Variants in PCDHGA2 observed in about 807,000 individuals in gnomAD.
PCDHGA2 encodes protocadherin gamma-A2.
In PCDHGA2, 40 loss-of-function variants were observed where a neutral mutation model predicts 59.2. The observed-to-expected ratio is 0.68, with a 90% CI of 0.52 to 0.88. PCDHGA2 has a LOEUF of 0.88. Ranked by LOEUF, PCDHGA2 falls within the 40% of genes least tolerant of loss-of-function variation. The probability of loss-of-function intolerance (pLI) is 0.00; values close to 1 mark genes in which losing one functional copy is unlikely to be tolerated. For synonymous variants in PCDHGA2, 560 were observed against 526.0 expected, an observed-to-expected ratio of 1.06 and a Z score of -0.89; for missense variants, 1,226 against 1,204.0, an observed-to-expected ratio of 1.02 and a Z score of -0.27.
chr5:141,360,186 G>A, intron 1 of PCDHGA2: 2 of 1,611,332 alleles, frequency 1.2e-6, no homozygotes, highest in Admixed American at 3.4e-5. Flanking sequence ...TGCAGGTACT[G>A]TTGCCCTTCC....
intron 1 of PCDHGA2, chr5:141,413,978 T>C (rs2095697435): frequency 1.2e-6 from 2 of 1,613,414 alleles, no homozygotes; most frequent in Non-Finnish European, 8.5e-7. Flanking sequence ...CTGCTGACAG[T>C]CACAGCCACC....
intron 1 of PCDHGA2, chr5:141,395,397 A>C: frequency 1.1e-6 from 1 of 895,314 alleles, no homozygotes; most frequent in Non-Finnish European, 1.6e-6. Flanking sequence ...TTGAACTCTA[A>C]TAGTCATAGG....
intron 1 of PCDHGA2, chr5:141,478,925 G>T: frequency 1.4e-6 from 1 of 700,562 alleles, no homozygotes; most frequent in Non-Finnish European, 2.2e-6. Context: ...TCTAACCAGT[G>T]GCAGCTTCTA....
rs774354457 is a variant in PCDHGA2 at position 141,409,462 on chromosome 5, CA to C, written c.2424+68068del. 8.1e-6 allele frequency: 13 copies of C among 1,613,870 alleles called. No individual in the cohort carries two copies. The East Asian group carries it at 2.9e-4, about 36-fold the overall frequency. On this transcript the variant is annotated intron_variant, in intron 1 of 3. Coordinates refer to ENST00000394576, the MANE Select transcript of PCDHGA2 (RefSeq NM_018915.4). ...GAGAGCAGACACCAGAATACAATGT[CA>C]CCATCGTAGCCACTGACAGGGGCAA... is the stretch of plus-strand genomic sequence containing the variant.
At chr5:141,451,957 A>C (rs1019378263) in intron 1 of PCDHGA2, among the ~76,000 whole-genome samples, 3 of 152,202 alleles carry the variant, frequency 2.0e-5, no homozygotes, top group African/African-American at 7.2e-5. Context: ...AGAAAGTGAC[A>C]TACCATCATT....
chr5:141,392,768 T>C lies in PCDHGA2; in HGVS notation c.2424+51373T>C, dbSNP rs754714050. The C allele has an allele frequency of 1.9e-5, 29 of 1,507,388 alleles. No homozygotes were observed. In the Middle Eastern group the frequency reaches 7.0e-4, roughly 37 times the overall value. 93.4% of individuals were successfully genotyped at this position (1,507,388 alleles called of 1,614,324 possible). On this transcript the variant is annotated intron_variant, in intron 1 of 3. Coordinates refer to ENST00000394576, the MANE Select transcript of PCDHGA2 (RefSeq NM_018915.4). ...GCGGCAAGAAACTAAATAAGACCCA[T>C]TTATGCACAGTGAAGATTCTGAGAG...
At chr5:141,499,247 A>C (rs908111927) in intron 2 of PCDHGA2, among the ~76,000 whole-genome samples, 1 of 152,036 alleles carries the variant, frequency 6.6e-6, no homozygotes, top group Non-Finnish European at 1.5e-5. Flanking sequence ...CTCTGCACAA[A>C]GAGTCTCCAT....
At chr5:141,482,074 A>G (rs1349748840) in intron 1 of PCDHGA2, among the ~76,000 whole-genome samples, 2 of 142,830 alleles carry the variant, frequency 1.4e-5, no homozygotes, top group Non-Finnish European at 3.0e-5. Context: ...AACAAGAACA[A>G]AACTCACTCC....
chr5:141,471,036 C>A (rs1437409726), intron 1 of PCDHGA2, among the ~76,000 whole-genome samples: 1 of 144,908 alleles, frequency 6.9e-6, no homozygotes, highest in Admixed American at 7.0e-5. Context: ...TATTAACAAG[C>A]CCAAGCCCTC....
rs752088903 is a variant in PCDHGA2, at chr5:141,490,784, G to A, written c.2425-4023G>A. The A allele has an allele frequency of 1.7e-5, 27 of 1,613,906 alleles. No individual in the cohort carries two copies. The highest frequency in any genetic ancestry group is 1.2e-4 in the African/African-American group (9 of 74,922). The stretch of plus-strand genomic sequence containing the variant: ...GTGTATGTCAACCCAGAGGATGGAC[G>A]GATCTTTGCCCAGCGTACCTTTGAC... On this transcript the variant is annotated intron_variant, in intron 1 of 3. Transcript: ENST00000394576. This position sits in a 1 kb window ranked among gnomAD's most constrained non-coding sequence, Gnocchi z 5.4.
chr5:141,484,866 C>A (rs1474623432), intron 1 of PCDHGA2: 9 of 275,500 alleles, frequency 3.3e-5, no homozygotes, highest in Non-Finnish European at 5.5e-5. Context: ...GGTGGGGGAG[C>A]GTGGAGGATA....
In PCDHGA2 at chr5:141,350,984, G is replaced by C; in HGVS notation, c.2424+9589G>C. On this transcript the variant is annotated intron_variant, in intron 1 of 3. Coordinates refer to ENST00000394576, the MANE Select transcript of PCDHGA2 (RefSeq NM_018915.4). ...TGATAATGCTCCCGTGTTTAGCCAG[G>C]AGGTATACAGGGTTAGCCTCCAAGA... The C allele has an allele frequency of 1.4e-5, 23 of 1,614,090 alleles. No individual in the cohort carries two copies. Among genetic ancestry groups the C allele is most frequent in the Non-Finnish European group, 1.9e-5 (22 of 1,179,912 alleles).
chr5:141,412,976 A>C (rs2095594590), intron 1 of PCDHGA2: 1 of 535,900 alleles, frequency 1.9e-6, no homozygotes. Context: ...GAGAAAACGC[A>C]GCCAGAGCTC....
intron 1 of PCDHGA2, chr5:141,428,598 C>T (rs2097150047): frequency 4.5e-6 from 1 of 224,296 alleles, no homozygotes; most frequent in African/African-American, 2.3e-5. Context: ...TAGCAAGCTT[C>T]ACTGAAGAGA....
At chr5:141,379,527 T>C (rs1182908156) in intron 1 of PCDHGA2, 1 of 152,228 alleles carries the variant, frequency 6.6e-6, no homozygotes, top group African/African-American at 2.4e-5. Context: ...GAGCATTTGT[T>C]GTTATAGGGA....
intron 1 of PCDHGA2, chr5:141,393,184 T>C: frequency 6.2e-7 from 1 of 1,613,344 alleles, no homozygotes; most frequent in Non-Finnish European, 8.5e-7. Context: ...ATAGAAATAA[T>C]TGATATTAAC....
chr5:141,486,967 G>C lies in PCDHGA2; in HGVS notation c.2425-7840G>C. The C allele has an allele frequency of 6.2e-7, 1 of 1,614,202 alleles. No homozygotes were observed. Among genetic ancestry groups the C allele is most frequent in the Non-Finnish European group, 8.5e-7 (1 of 1,180,032 alleles). ...TCACAAAGGTGACTGCTGTGGACTT[G>C]GATTCAGGTTACAATGCTTGGGTTT... On this transcript the variant is annotated intron_variant, in intron 1 of 3. Transcript: ENST00000394576. The surrounding 1 kb of genome is among the most constrained non-coding windows in gnomAD (Gnocchi z 5.0).
chr5:141,340,775 G>T lies in PCDHGA2; in HGVS notation c.1804G>T (p.Ala602Ser). 6.2e-7 allele frequency: 1 copy of T among 1,613,858 alleles called. No homozygotes were observed. Among genetic ancestry groups the T allele is most frequent in the Non-Finnish European group, 8.5e-7 (1 of 1,180,034 alleles). ...GGTGGACAGAGACTCGGGCCAGAAC[G>T]CCTGGCTGTCTTACCACCTGCTCAA... The part of the protein sequence containing the change: ...VAVDRDSGQN[A>S]WLSYHLLKAS... Residue 602 changes from alanine to serine, a missense_variant, in exon 1 of 4, where the codon GCC becomes TCC. Coordinates refer to ENST00000394576, the MANE Select transcript of PCDHGA2 (RefSeq NM_018915.4).
intron 1 of PCDHGA2, chr5:141,478,541 G>T (rs905837179): frequency 1.2e-6 from 2 of 1,605,590 alleles, no homozygotes; most frequent in Non-Finnish European, 1.7e-6. Flanking sequence ...CGCCCCTCCC[G>T]GACAGGTAAG....
Sources: allele counts gnomAD v4.1 joint callset (sites outside exome capture counted in the v4.1 genomes callset), GRCh38; gene constraint gnomAD v4.1.1; non-coding constraint Gnocchi (gnomAD v3.1); transcripts MANE v1.5; gene names NCBI Gene and HGNC (gene_info 2026-07-23, HGNC 2026-07-21).